The following FRMD4B variants were observed in gnomAD, a reference collection of about 807,000 sequenced individuals.
FRMD4B encodes FERM domain-containing protein 4B.
A neutral mutation model predicts 141.5 loss-of-function variants in FRMD4B; 74 were observed. That is an observed-to-expected ratio of 0.52 (90% confidence interval 0.43 to 0.63). The LOEUF is 0.63. Among genes scored for constraint, FRMD4B ranks in the 30% least tolerant of loss-of-function variants. FRMD4B has a pLI of 0.00. For missense variants in FRMD4B, 1,366 were observed against 1,253.4 expected (o/e 1.09, Z -1.36); for synonymous variants, 506 against 467.9 (o/e 1.08, Z -1.05).
chr3:69,403,539 C>T (rs1704602390), intron 2 of FRMD4B, among the ~76,000 whole-genome samples: 1 of 152,142 alleles, frequency 6.6e-6, no homozygotes, highest in South Asian at 2.1e-4. Context: ...GGGAAGCTAA[C>T]CCCATTCCTG....
chr3:69,502,095 G>A (rs997480733), intron 1 of FRMD4B, among the ~76,000 whole-genome samples: 5 of 152,124 alleles, frequency 3.3e-5, no homozygotes, highest in African/African-American at 1.2e-4. Context: ...TCGTGAAAAT[G>A]GCCATACTGC....
intron 2 of FRMD4B, among the ~76,000 whole-genome samples, chr3:69,391,955 C>G (rs772050794): frequency 6.6e-5 from 10 of 152,196 alleles, no homozygotes; most frequent in Non-Finnish European, 8.8e-5. Context: ...CATTCAGAAA[C>G]CACTGGTGCA....
intron 21 of FRMD4B, among the ~76,000 whole-genome samples, chr3:69,178,131 G>T (rs1240977041): frequency 6.6e-6 from 1 of 152,136 alleles, no homozygotes; most frequent in African/African-American, 2.4e-5. Context: ...ATAACCACAC[G>T]CCATGATACT....
chr3:69,350,149 A>G (rs1036312418), intron 1 of FRMD4B, among the ~76,000 whole-genome samples: 9 of 152,224 alleles, frequency 5.9e-5, no homozygotes, highest in Non-Finnish European at 4.4e-5. Context: ...CAACCCCATG[A>G]AAAAGTGGGC....
chr3:69,510,432 T>C (rs1706670339), intron 1 of FRMD4B, among the ~76,000 whole-genome samples: 1 of 152,220 alleles, frequency 6.6e-6, no homozygotes, highest in South Asian at 2.1e-4. Context: ...GTATTACTTT[T>C]ATTATCAGAC....
At chr3:69,306,509 G>A (rs781628380) in intron 3 of FRMD4B, 1 of 152,178 alleles carries the variant, frequency 6.6e-6, no homozygotes, top group Non-Finnish European at 1.5e-5. Context: ...GAACCACTAC[G>A]GTGACCTGAA....
intron 1 of FRMD4B, among the ~76,000 whole-genome samples, chr3:69,533,855 T>C (rs1012301176): frequency 6.6e-6 from 1 of 152,192 alleles, no homozygotes; most frequent in African/African-American, 2.4e-5. Flanking sequence ...TCACCTTCCA[T>C]GTTCATTCAC....
At chr3:69,293,579 C>G (rs2107114359) in intron 4 of FRMD4B, among the ~76,000 whole-genome samples, 1 of 152,030 alleles carries the variant, frequency 6.6e-6, no homozygotes, top group South Asian at 2.1e-4. Context: ...CTGTAACAAC[C>G]AGAATAAAAA....
chr3:69,279,730 TTCTCCTCTTCC>T (rs1559774275), intron 5 of FRMD4B, among the ~76,000 whole-genome samples: 9 of 74,192 alleles, frequency 1.2e-4, no homozygotes, highest in Non-Finnish European at 1.8e-4. Flanking sequence ...CCCCTCCTCC[TTCTCCTCTTCC>T]CCTCCTCCTC....
chr3:69,194,869 TGAAA>T (rs1342286012), intron 16 of FRMD4B, among the ~76,000 whole-genome samples, 149 bp downstream of exon 16: 4 of 152,266 alleles, frequency 2.6e-5, no homozygotes, highest in African/African-American at 9.6e-5. Flanking sequence ...GGAGTGGGCA[TGAAA>T]GAAAGAGTTC....
chr3:69,206,068 T>C (rs2093021765), intron 11 of FRMD4B, among the ~76,000 whole-genome samples: 1 of 152,114 alleles, frequency 6.6e-6, no homozygotes, highest in Non-Finnish European at 1.5e-5. Context: ...ACACCATATC[T>C]TGGCCAGGTG....
Position 69,198,739 on chromosome 3 carries a change from GA to G in FRMD4B, c.911del (p.Phe304SerfsTer45). 1 of 1,566,380 alleles carries G rather than the reference GA, an allele frequency of 6.4e-7. No homozygotes were observed. Among genetic ancestry groups the G allele is most frequent in the South Asian group, 1.2e-5 (1 of 86,116 alleles). ...FQWKQLENLY[F>X]REKKFAVEVH... is the part of the protein sequence containing the mutation. ...CTTCAACAGCAAATTTTTTCTCACG[GA>G]AATATAAGTTCTCCAGCTGTTTCCA... On this transcript the variant is annotated frameshift_variant, in exon 12 of 23. Coordinates refer to ENST00000398540, the MANE Select transcript of FRMD4B (RefSeq NM_015123.3). LOFTEE classifies it high-confidence loss of function.
At chr3:69,396,428 C>T (rs1704474810) in intron 2 of FRMD4B, among the ~76,000 whole-genome samples, 1 of 151,870 alleles carries the variant, frequency 6.6e-6, no homozygotes, top group South Asian at 2.1e-4. Context: ...TCGTTTGAAC[C>T]CAAGAGCAGG....
chr3:69,464,270 G>C (rs1705749108), intron 1 of FRMD4B, among the ~76,000 whole-genome samples: 1 of 152,184 alleles, frequency 6.6e-6, no homozygotes, highest in South Asian at 2.1e-4. Flanking sequence ...GGAAGGGTAT[G>C]TTGGCCAGGA....
At chr3:69,510,206 T>C (rs1706667293) in intron 1 of FRMD4B, among the ~76,000 whole-genome samples, 1 of 151,988 alleles carries the variant, frequency 6.6e-6, no homozygotes, top group African/African-American at 2.4e-5. Flanking sequence ...AGTAAACTGA[T>C]AGTAATAATA....
At chr3:69,379,843 G>T (rs1207428989) in intron 1 of FRMD4B, among the ~76,000 whole-genome samples, 1 of 152,212 alleles carries the variant, frequency 6.6e-6, no homozygotes, top group Non-Finnish European at 1.5e-5. Flanking sequence ...TAGACAACAT[G>T]TAATGGATGA....
At chr3:69,396,342 T>C (rs184687614) in intron 2 of FRMD4B, among the ~76,000 whole-genome samples, 136 of 152,090 alleles carry the variant, frequency 8.9e-4, no homozygotes, top group African/African-American at 2.5e-3. Context: ...CCTTCTCCAC[T>C]AAAAATCCAA....
rs911296498 is a variant in FRMD4B, at chr3:69,399,295, C to T, written c.-1+33339G>A. The stretch of plus-strand genomic sequence containing the variant: ...TGCAGAAAGCTTTAGGGTTTTAATC[C>T]GCTGAGAAATCTGAGAATGGGTGTC... On this transcript the variant is annotated intron_variant, in intron 2 of 5. Transcript: ENST00000459638. Among the ~76,000 whole-genome samples the T allele has an allele frequency of 4.6e-5, 7 of 152,264 alleles. No homozygotes were observed. In the East Asian group the frequency reaches 1.2e-3, roughly 25 times the overall value.
intron 5 of FRMD4B, among the ~76,000 whole-genome samples, chr3:69,260,314 G>GCGAGTTC (rs2093518226): frequency 6.6e-6 from 1 of 152,232 alleles, no homozygotes; most frequent in Non-Finnish European, 1.5e-5. Flanking sequence ...TTCGCGAGTT[G>GCGAGTTC]GCGAGTCAGC....
Sources: allele counts gnomAD v4.1 joint callset (sites outside exome capture counted in the v4.1 genomes callset), GRCh38; gene constraint gnomAD v4.1.1; transcripts MANE v1.5; gene names NCBI Gene and HGNC (gene_info 2026-07-23, HGNC 2026-07-21).